Variants in CCDC91 observed in about 807,000 individuals in gnomAD.
The protein encoded by CCDC91 is coiled-coil domain-containing protein 91.
Under a neutral mutation model 63.2 loss-of-function variants are expected in CCDC91, and 48 were observed. That is an observed-to-expected ratio of 0.76 (90% CI 0.60 to 0.97). CCDC91 has a LOEUF of 0.97. CCDC91 is among the 50% of genes least tolerant of loss of function. The pLI, the probability that CCDC91 is intolerant of heterozygous loss-of-function variation, is 0.00. For synonymous variants in CCDC91, 167 were observed against 165.8 expected (o/e 1.01, Z -0.06); for missense variants, 500 against 494.6 (o/e 1.01, Z -0.10).
chr12:28,479,237 G>A (rs555492465), intron 11 of CCDC91, among the ~76,000 whole-genome samples: 44 of 152,182 alleles, frequency 2.9e-4, no homozygotes, highest in Middle Eastern at 3.4e-3. Context: ...TGATAGACAC[G>A]ATTAAGAAAA....
At chr12:28,446,844 A>G (rs1331862302) in intron 8 of CCDC91, among the ~76,000 whole-genome samples, 1 of 152,338 alleles carries the variant, frequency 6.6e-6, no homozygotes, top group East Asian at 1.9e-4. Flanking sequence ...TCAGAAAGGG[A>G]GAATGATGAA....
intron 6 of CCDC91, among the ~76,000 whole-genome samples, chr12:28,348,547 T>C (rs1359601869): frequency 2.0e-5 from 3 of 152,012 alleles, no homozygotes; most frequent in African/African-American, 7.3e-5. Context: ...AAAATGTTGA[T>C]AGCACCATGA....
intron 3 of CCDC91, among the ~76,000 whole-genome samples, chr12:28,282,058 T>C (rs1211108739): frequency 6.6e-6 from 1 of 152,120 alleles, no homozygotes; most frequent in Non-Finnish European, 1.5e-5. Context: ...TACATATATC[T>C]CAGGTAAAAG....
intron 8 of CCDC91, among the ~76,000 whole-genome samples, chr12:28,421,548 T>C (rs1374528600): frequency 6.6e-6 from 1 of 151,880 alleles, no homozygotes. Flanking sequence ...CTCTTTCTTT[T>C]TTTTTTTTTA....
At chr12:28,343,321 C>T (rs1480907720) in intron 6 of CCDC91, among the ~76,000 whole-genome samples, 2 of 151,762 alleles carry the variant, frequency 1.3e-5, no homozygotes, top group Non-Finnish European at 1.5e-5. Context: ...TGCAAGCACA[C>T]ATATTCATTC....
intron 12 of CCDC91, among the ~76,000 whole-genome samples, chr12:28,533,290 T>C (rs1430598556): frequency 6.6e-6 from 1 of 152,124 alleles, no homozygotes; most frequent in Non-Finnish European, 1.5e-5. Flanking sequence ...ATTCGTAGAA[T>C]TGTGCCTGGC....
At position 28,412,633 on chromosome 12, in the gene CCDC91, A is replaced by G. The variant is rs139430165; in HGVS notation, c.762+21222A>G. 671 of 383,436 alleles carry G rather than the reference A, an allele frequency of 1.7e-3. 8 individuals are homozygous for G. The highest frequency in any genetic ancestry group is 0.013 in the African/African-American group (618 of 47,316). 23.8% of individuals were successfully genotyped at this position (383,436 alleles called of 1,614,324 possible). ...AGAGGTAGCAGGGCTTATTTTGAAG[A>G]ATGAAAGGACAAAGCTTCCAGAGCA... On this transcript the variant is annotated intron_variant, in intron 8 of 12. Transcript: ENST00000536442.
chr12:28,338,406 T>G (rs893429812), intron 6 of CCDC91, among the ~76,000 whole-genome samples: 1 of 152,026 alleles, frequency 6.6e-6, no homozygotes, highest in African/African-American at 2.4e-5. Flanking sequence ...GCCATGTAGG[T>G]GTGCTTCACC....
intron 12 of CCDC91, among the ~76,000 whole-genome samples, chr12:28,509,129 A>G (rs888698982): frequency 1.3e-5 from 2 of 151,932 alleles, no homozygotes; most frequent in Admixed American, 6.6e-5. Flanking sequence ...GTTGTGTCTT[A>G]GCATCCTCTC....
chr12:28,348,529 C>T (rs1295992819), intron 6 of CCDC91, among the ~76,000 whole-genome samples: 1 of 152,150 alleles, frequency 6.6e-6, no homozygotes. Flanking sequence ...TGTTTTAATG[C>T]ATCCCTCAAA....
chr12:28,540,332 T>TA (rs1348063032), intron 12 of CCDC91, among the ~76,000 whole-genome samples: 46 of 152,272 alleles, frequency 3.0e-4, no homozygotes, highest in African/African-American at 1.1e-3. Flanking sequence ...TATATTGCTA[T>TA]AAAGAAATCT....
chr12:28,343,182 T>A (rs116345217), intron 6 of CCDC91, among the ~76,000 whole-genome samples: 1,597 of 109,434 alleles, frequency 0.015, 37 homozygotes, highest in African/African-American at 0.044. Context: ...ACACATACAT[T>A]GACATATATT....
intron 7 of CCDC91, among the ~76,000 whole-genome samples, chr12:28,373,160 T>C (rs1284615172): frequency 1.3e-5 from 2 of 152,240 alleles, no homozygotes; most frequent in Admixed American, 6.5e-5. Flanking sequence ...ACTTTGAATA[T>C]GTCATCTCAT....
At position 28,282,125 on chromosome 12, in the gene CCDC91, A is replaced by G. The variant is rs560217577; in HGVS notation, c.109+22683A>G. ...ACTTTACTCAGAATATTTACAATGA[A>G]TAAAATACAGCCTCACGTACTACCG... On this transcript the variant is annotated intron_variant, in intron 3 of 12. Transcript: ENST00000536442. Among the ~76,000 whole-genome samples, 125 of 152,340 alleles carry G rather than the reference A, an allele frequency of 8.2e-4. 1 individual carries two copies. The highest frequency in any genetic ancestry group is 2.9e-3 in the African/African-American group (120 of 41,582).
chr12:28,397,270 A>C (rs1387253623), intron 8 of CCDC91, among the ~76,000 whole-genome samples: 1 of 152,208 alleles, frequency 6.6e-6, no homozygotes, highest in African/African-American at 2.4e-5. Flanking sequence ...GTTTCAACAG[A>C]GTGGTGGAAG....
rs111698675 is a variant in CCDC91, at chr12:28,239,863, CAG to C, written c.-14-17338_-14-17337del. On this transcript the variant is annotated intron_variant, in intron 1 of 12. Coordinates refer to ENST00000536442, the MANE Select transcript of CCDC91 (RefSeq NM_018318.5). ...AGAAGGAGATAAGATAAAATGAAAA[CAG>C]TGTGGGGGGATTATAGTAAATTGTT... Among the ~76,000 whole-genome samples, 156 of 152,080 alleles carry C rather than the reference CAG, an allele frequency of 1.0e-3. 1 individual carries two copies. Among genetic ancestry groups the C allele is most frequent in the African/African-American group, 3.4e-3 (141 of 41,504 alleles).
chr12:28,206,876 C>G (rs1942896472), intron 1 of CCDC91, among the ~76,000 whole-genome samples: 2 of 152,176 alleles, frequency 1.3e-5, no homozygotes, highest in African/African-American at 4.8e-5. Flanking sequence ...GAAAAAGGAC[C>G]TAACAAATGA....
At chr12:28,479,761 T>C (rs999585828) in intron 11 of CCDC91, among the ~76,000 whole-genome samples, 7 of 152,044 alleles carry the variant, frequency 4.6e-5, no homozygotes, top group African/African-American at 7.2e-5. Context: ...TTTGCCCATA[T>C]AGGAAGGAAA....
At chr12:28,337,354 C>T (rs1284186908) in intron 6 of CCDC91, among the ~76,000 whole-genome samples, 1 of 151,952 alleles carries the variant, frequency 6.6e-6, no homozygotes, top group Non-Finnish European at 1.5e-5. Context: ...ACAAACCTGC[C>T]CCATTTTAAA....
Sources: gnomAD v4.1 joint callset for allele counts (sites outside exome capture counted in the v4.1 genomes callset) on GRCh38, gnomAD v4.1.1 for gene constraint, MANE v1.5 for transcripts, NCBI Gene and HGNC (gene_info 2026-07-23, HGNC 2026-07-21) for gene names.